Variants in PDS5A observed in about 807,000 individuals in gnomAD.
PDS5A encodes the protein PDS5 cohesin associated factor A, also known as sister chromatid cohesion protein PDS5 homolog A.
PDS5A carries 42 observed loss-of-function variants against 167.1 expected under a neutral mutation model. That is an observed-to-expected ratio of 0.25 (90% CI 0.20 to 0.33). The LOEUF is 0.33. Ranked by LOEUF, PDS5A falls within the 10% of genes least tolerant of loss-of-function variation. The pLI is 1.00. For missense variants in PDS5A, 1,033 were observed against 1,605.9 expected (o/e 0.64, Z 6.10); for synonymous variants, 553 against 554.6 (o/e 1.00, Z 0.04).
rs1025330099 is a variant in PDS5A at position 39,824,636 on chromosome 4, A to T, written c.*849T>A. 6.6e-6 allele frequency: 1 copy of T among 152,650 alleles called. No homozygotes were observed. The highest frequency in any genetic ancestry group is 1.5e-5 in the Non-Finnish European group (1 of 68,046). 9.5% of individuals were successfully genotyped at this position (152,650 alleles called of 1,614,324 possible). A position where few individuals can be genotyped will look rare whatever the true frequency, so the allele number is the denominator to read the frequency against. On this transcript the variant is annotated 3_prime_UTR_variant, in exon 33 of 33. Transcript: ENST00000303538. ...CTGGTGACAAACATTATAAAACCAA[A>T]TGCTGGACAGTCTTTACTCCTTTAA...
At chr4:39,896,210 TTTTC>T (rs1722397714) in intron 16 of PDS5A, among the ~76,000 whole-genome samples, 1 of 151,810 alleles carries the variant, frequency 6.6e-6, no homozygotes, top group Non-Finnish European at 1.5e-5. Flanking sequence ...GTGCAGCTAG[TTTTC>T]TTTAATGTTT....
At chr4:39,840,584 C>G in intron 31 of PDS5A, among the ~76,000 whole-genome samples, 1 of 152,050 alleles carries the variant, frequency 6.6e-6, no homozygotes, top group East Asian at 1.9e-4. Flanking sequence ...TTAGTAGAGA[C>G]GAGTTTTCAC....
intron 2 of PDS5A, among the ~76,000 whole-genome samples, chr4:39,935,124 T>A (rs765678279): frequency 1.3e-5 from 2 of 151,596 alleles, no homozygotes; most frequent in African/African-American, 2.4e-5. Context: ...CGCTGTGGTA[T>A]TGATTGATTG....
At chr4:39,974,531 A>G (rs1368847271) in intron 2 of PDS5A, among the ~76,000 whole-genome samples, 1 of 152,048 alleles carries the variant, frequency 6.6e-6, no homozygotes, top group Non-Finnish European at 1.5e-5. Flanking sequence ...TAGTATCAAT[A>G]TTTGCTTTAT....
chr4:39,928,081 T>G lies in PDS5A; in HGVS notation c.222A>C (p.Ala74=), dbSNP rs748745889. 7.4e-6 allele frequency: 12 copies of G among 1,613,180 alleles called. No individual in the cohort carries two copies. The highest frequency in any genetic ancestry group is 1.0e-5 in the Non-Finnish European group (12 of 1,179,314). Residue 74 remains alanine, a synonymous_variant, in exon 3 of 33, where the codon GCA becomes GCC. Transcript: ENST00000303538. ...QQYLPLALHL[A]SEFFLRNPNK... is the part of the protein sequence containing the mutation. ...TGGGGTTCCTGAGGAAGAATTCAGA[T>G]GCAAGATGCAAGGCTAGTGGGAGAT...
intron 9 of PDS5A, among the ~76,000 whole-genome samples, chr4:39,913,302 C>A (rs1386744154): frequency 6.6e-6 from 1 of 152,118 alleles, no homozygotes; most frequent in East Asian, 1.9e-4. Context: ...GTCTCCTGAA[C>A]TCCTGACCTC....
At chr4:39,879,895 C>G in intron 17 of PDS5A, 62 bp from the exon 18 acceptor site, 1 of 959,710 alleles carries the variant, frequency 1.0e-6, no homozygotes, top group South Asian at 1.3e-5. Flanking sequence ...CCTAATCACA[C>G]TGTGACAGAA....
chr4:39,877,706 G>A (rs1720580238), intron 18 of PDS5A, among the ~76,000 whole-genome samples: 1 of 151,748 alleles, frequency 6.6e-6, no homozygotes, highest in African/African-American at 2.4e-5. Flanking sequence ...ACAGCTCACT[G>A]GGGTCTCAAC....
chr4:39,888,048 G>A (rs1483724388), intron 17 of PDS5A, among the ~76,000 whole-genome samples: 1 of 151,956 alleles, frequency 6.6e-6, no homozygotes, highest in African/African-American at 2.4e-5. Flanking sequence ...TCAAGAGATT[G>A]AGACCATCCT....
At chr4:39,933,852 T>C (rs1726321091) in intron 2 of PDS5A, among the ~76,000 whole-genome samples, 1 of 152,212 alleles carries the variant, frequency 6.6e-6, no homozygotes, top group Admixed American at 6.5e-5. Flanking sequence ...GGAGTTGAAG[T>C]CATAATTCTC....
At chr4:39,973,491 T>C in intron 2 of PDS5A, 1 of 1,335,386 alleles carries the variant, frequency 7.5e-7, no homozygotes, top group South Asian at 1.2e-5. Context: ...TTGATGATAG[T>C]ATTGATGATG....
intron 2 of PDS5A, among the ~76,000 whole-genome samples, chr4:39,945,671 G>A (rs1031790420): frequency 1.5e-4 from 23 of 152,090 alleles, no homozygotes; most frequent in African/African-American, 4.8e-4. Flanking sequence ...AGCCTACTTT[G>A]TCACAATTTA....
chr4:39,918,707 A>T (rs965847916), intron 7 of PDS5A, among the ~76,000 whole-genome samples: 13 of 152,138 alleles, frequency 8.5e-5, no homozygotes, highest in African/African-American at 3.1e-4. Context: ...TATAAAAATT[A>T]GCAGGGCGTG....
chr4:39,890,393 A>C (rs762897646), intron 16 of PDS5A, 29 bp from the exon 17 acceptor site: 1 of 1,179,856 alleles, frequency 8.5e-7, no homozygotes, highest in South Asian at 1.4e-5. Context: ...TTTACCAAAA[A>C]CGTGATTTGC....
At chr4:39,950,714 A>G (rs923500963) in intron 2 of PDS5A, among the ~76,000 whole-genome samples, 4 of 152,046 alleles carry the variant, frequency 2.6e-5, no homozygotes, top group African/African-American at 9.7e-5. Flanking sequence ...CAGCCTCCCA[A>G]GTAGCTGGGA....
intron 2 of PDS5A, among the ~76,000 whole-genome samples, chr4:39,935,188 G>A (rs1403957851): frequency 6.6e-6 from 1 of 152,194 alleles, no homozygotes; most frequent in African/African-American, 2.4e-5. Flanking sequence ...CTGGAGTGCA[G>A]TGGCACAATC....
At chr4:39,835,013 C>A (rs1232233893) in intron 32 of PDS5A, among the ~76,000 whole-genome samples, 1 of 152,150 alleles carries the variant, frequency 6.6e-6, no homozygotes, top group Non-Finnish European at 1.5e-5. Flanking sequence ...CTCTGTCGTC[C>A]AGACTGGAGT....
At position 39,882,895 on chromosome 4, in the gene PDS5A, T is replaced by G. The variant is rs369127836; in HGVS notation, c.1887-3062A>C. On this transcript the variant is annotated intron_variant, in intron 17 of 32. Transcript: ENST00000303538. ...TCAAAACTGCTTGGGAAGTCTATGC[T>G]ATACAACCACTGTTACAAATCTTCA... is the stretch of plus-strand genomic sequence containing the variant. Among the ~76,000 whole-genome samples, 288 of 152,292 alleles carry G rather than the reference T, an allele frequency of 1.9e-3. 2 individuals are homozygous for G. In the Middle Eastern group the frequency reaches 0.041, roughly 22 times the overall value.
At chr4:39,884,861 T>C (rs970366807) in intron 17 of PDS5A, among the ~76,000 whole-genome samples, 2 of 152,170 alleles carry the variant, frequency 1.3e-5, no homozygotes, top group African/African-American at 4.8e-5. Context: ...CTACTTCCTA[T>C]AGACCATTAA....
Sources: allele counts gnomAD v4.1 joint callset (sites outside exome capture counted in the v4.1 genomes callset), GRCh38; gene constraint gnomAD v4.1.1; transcripts MANE v1.5; gene names NCBI Gene and HGNC (gene_info 2026-07-23, HGNC 2026-07-21).